The following COMMD10 variants were observed in gnomAD, a reference collection of about 807,000 sequenced individuals.
COMMD10 encodes the protein COMM domain containing 10.
In COMMD10, 33 loss-of-function variants were observed where a neutral mutation model predicts 28.9. The ratio of observed to expected loss-of-function variants is 1.14; its 90% confidence interval spans 0.87 to 1.53. The LOEUF (loss-of-function observed/expected upper bound fraction) is 1.53. Among genes scored for constraint, COMMD10 ranks in the 40% most tolerant of loss-of-function variants. The probability of loss-of-function intolerance (pLI) is 0.00; values close to 1 mark genes in which losing one functional copy is unlikely to be tolerated. For synonymous variants in COMMD10, 110 were observed against 81.7 expected (o/e 1.35, Z -1.87); for missense variants, 310 against 233.4 (o/e 1.33, Z -2.14).
chr5:116,198,378 A>G (rs1241634468), intron 5 of COMMD10, among the ~76,000 whole-genome samples: 1 of 152,192 alleles, frequency 6.6e-6, no homozygotes, highest in Non-Finnish European at 1.5e-5. Flanking sequence ...TTTATTTTTC[A>G]GAGCAGTGTT....
Position 116,104,390 on chromosome 5 carries a change from T to C in COMMD10, c.399+11690T>C, listed in dbSNP as rs1166399319. Among the ~76,000 whole-genome samples, 3 of 152,158 alleles carry C rather than the reference T, an allele frequency of 2.0e-5. No homozygotes were observed. The East Asian group carries it at 5.8e-4, about 29-fold the overall frequency. On this transcript the variant is annotated intron_variant, in intron 4 of 6. Transcript: ENST00000274458. ...CCCTTGTAAGTTGGATTCCTAGGTA[T>C]TGTATCCTTTTTGTAGCAATTGTGA...
chr5:116,096,177 A>G (rs1384888103), intron 4 of COMMD10, among the ~76,000 whole-genome samples: 2 of 151,912 alleles, frequency 1.3e-5, no homozygotes, highest in Non-Finnish European at 1.5e-5. Flanking sequence ...GTTGTGTTTA[A>G]TTTGTAAATA....
chr5:116,230,586 T>C (rs1749505315), intron 5 of COMMD10, among the ~76,000 whole-genome samples: 1 of 151,940 alleles, frequency 6.6e-6, no homozygotes, highest in Admixed American at 6.6e-5. Flanking sequence ...TCACAATAAA[T>C]AAACATGGGG....
chr5:116,219,117 G>GGA (rs1375044577), intron 5 of COMMD10, among the ~76,000 whole-genome samples: 1 of 152,138 alleles, frequency 6.6e-6, no homozygotes, highest in African/African-American at 2.4e-5. Flanking sequence ...GGAAGCCACA[G>GGA]GAGAAACCAG....
At chr5:116,136,662 A>G (rs1378464718) in intron 5 of COMMD10, among the ~76,000 whole-genome samples, 1 of 152,208 alleles carries the variant, frequency 6.6e-6, no homozygotes. Context: ...CAGATTATTC[A>G]GGAAGATGTG....
chr5:116,289,478 G>T (rs1454314696), intron 5 of COMMD10, among the ~76,000 whole-genome samples: 1 of 151,846 alleles, frequency 6.6e-6, no homozygotes, highest in African/African-American at 2.4e-5. Flanking sequence ...TCTGGCACCT[G>T]CCCGTGGAAC....
At chr5:116,248,281 T>C (rs1750012888) in intron 5 of COMMD10, among the ~76,000 whole-genome samples, 1 of 151,974 alleles carries the variant, frequency 6.6e-6, no homozygotes, top group African/African-American at 2.4e-5. Flanking sequence ...TAAGTGTAGC[T>C]TTTGGACAGC....
intron 5 of COMMD10, among the ~76,000 whole-genome samples, chr5:116,175,149 C>G (rs1172900605): frequency 1.3e-5 from 2 of 152,036 alleles, no homozygotes; most frequent in African/African-American, 4.8e-5. Flanking sequence ...CTTTCTATCT[C>G]CTTACCTTGT....
chr5:116,096,921 G>A (rs1580441126), intron 4 of COMMD10, among the ~76,000 whole-genome samples: 1 of 150,956 alleles, frequency 6.6e-6, no homozygotes, highest in African/African-American at 2.4e-5. Context: ...AAAATTCTTG[G>A]CTTTTTAATA....
At chr5:116,211,666 A>T (rs767897229) in intron 5 of COMMD10, among the ~76,000 whole-genome samples, 2 of 152,152 alleles carry the variant, frequency 1.3e-5, no homozygotes, top group East Asian at 3.8e-4. Context: ...ACATGGATGC[A>T]TTTTCAATTG....
intron 5 of COMMD10, among the ~76,000 whole-genome samples, chr5:116,269,025 A>G (rs1349895124): frequency 1.3e-5 from 2 of 151,786 alleles, no homozygotes; most frequent in Non-Finnish European, 2.9e-5. Flanking sequence ...GCAGCACACC[A>G]ACATGGCACG....
Position 116,217,663 on chromosome 5 carries a change from G to C in COMMD10, c.511-73854G>C, listed in dbSNP as rs560183702. 1.3e-3 allele frequency among the ~76,000 whole-genome samples: 200 copies of C among 152,264 alleles called. 2 individuals carry two copies. Among genetic ancestry groups the C allele is most frequent in the Non-Finnish European group, 2.3e-3 (158 of 68,024 alleles). ...CTGGGCTTAAGGGAGTTAAGTCTGT[G>C]CTGATAGATGGGAAGGGAGAAGAGA... On this transcript the variant is annotated intron_variant, in intron 5 of 6. Coordinates refer to ENST00000274458, the MANE Select transcript of COMMD10 (RefSeq NM_016144.4).
intron 5 of COMMD10, among the ~76,000 whole-genome samples, chr5:116,210,633 A>T (rs1748937552): frequency 6.6e-6 from 1 of 152,104 alleles, no homozygotes; most frequent in African/African-American, 2.4e-5. Flanking sequence ...GTGTGTTTAT[A>T]TTCCACATAC....
In COMMD10 at chr5:116,281,950, C is replaced by T. The variant is rs73784112; in HGVS notation, c.511-9567C>T. ...TGATCTGGGAAAATACCTTCTTTTC[C>T]TGGGCAATTTCATGTACTTTCATGG... On this transcript the variant is annotated intron_variant, in intron 5 of 6. Coordinates refer to ENST00000274458, the MANE Select transcript of COMMD10 (RefSeq NM_016144.4). Among the ~76,000 whole-genome samples, 657 of 151,862 alleles carry T rather than the reference C, an allele frequency of 4.3e-3. 18 individuals are homozygous for T. Among genetic ancestry groups the T allele is most frequent in the African/African-American group, 0.015 (601 of 41,222 alleles).
chr5:116,093,322 A>G (rs1389835944), intron 4 of COMMD10, among the ~76,000 whole-genome samples: 1 of 152,200 alleles, frequency 6.6e-6, no homozygotes, highest in Non-Finnish European at 1.5e-5. Flanking sequence ...CATCTAAAAG[A>G]GAATGCTAGA....
At chr5:116,105,268 T>C (rs1750800615) in intron 4 of COMMD10, among the ~76,000 whole-genome samples, 3 of 152,212 alleles carry the variant, frequency 2.0e-5, no homozygotes, top group Admixed American at 1.3e-4. Context: ...TTTTATTGAC[T>C]TGCATATCTT....
chr5:116,099,536 G>T (rs1750584852), intron 4 of COMMD10, among the ~76,000 whole-genome samples: 1 of 152,062 alleles, frequency 6.6e-6, no homozygotes, highest in Non-Finnish European at 1.5e-5. Flanking sequence ...TTTCATAAAG[G>T]CTGTACCAAT....
At chr5:116,257,807 A>T (rs1433554920) in intron 5 of COMMD10, among the ~76,000 whole-genome samples, 2 of 151,808 alleles carry the variant, frequency 1.3e-5, no homozygotes, top group African/African-American at 2.4e-5. Flanking sequence ...AGATTCTTAT[A>T]TGTGGACCAC....
chr5:116,148,752 AG>A lies in COMMD10; in HGVS notation c.510+14575del, dbSNP rs551113658. ...AAAATTGAAAACTTTTGTGTATCAA[AG>A]AACATTGTCAAGAAATTGAAAGGAC... On this transcript the variant is annotated intron_variant, in intron 5 of 6. Coordinates refer to ENST00000274458, the MANE Select transcript of COMMD10 (RefSeq NM_016144.4). Among the ~76,000 whole-genome samples, 25 of 152,006 alleles carry A rather than the reference AG, an allele frequency of 1.6e-4. No individual in the cohort carries two copies. The East Asian group carries it at 4.7e-3, about 28-fold the overall frequency.
Sources: gnomAD v4.1 joint callset for allele counts (sites outside exome capture counted in the v4.1 genomes callset) on GRCh38, gnomAD v4.1.1 for gene constraint, MANE v1.5 for transcripts, NCBI Gene and HGNC (gene_info 2026-07-23, HGNC 2026-07-21) for gene names.